Variants in ASAH2 observed in about 807,000 individuals in gnomAD.
The protein encoded by ASAH2 is N-acylsphingosine amidohydrolase 2, also known as neutral ceramidase.
ASAH2 carries 58 observed loss-of-function variants against 82.9 expected under a neutral mutation model. The ratio of observed to expected loss-of-function variants is 0.70; its 90% CI spans 0.57 to 0.87. The LOEUF (loss-of-function observed/expected upper bound fraction) is 0.87, where lower values mean the gene tolerates loss of function less well. Ranked by LOEUF, ASAH2 falls within the 40% of genes least tolerant of loss-of-function variation. ASAH2 has a pLI of 0.00. For synonymous variants in ASAH2, 276 were observed against 289.7 expected (o/e 0.95, Z 0.48); for missense variants, 779 against 834.0 (o/e 0.93, Z 0.81).
In ASAH2 at chr10:50,187,116, TCTCACACACACACACA is replaced by T. The variant is rs1331988589; in HGVS notation, c.*183_*198del. 1.0e-3 allele frequency: 231 copies of T among 230,118 alleles called. 1 individual carries two copies. The highest frequency in any genetic ancestry group is 7.8e-3 in the African/African-American group (204 of 26,116). 14.3% of individuals were successfully genotyped at this position (230,118 alleles called of 1,614,324 possible). On this transcript the variant is annotated 3_prime_UTR_variant, in exon 21 of 21. Coordinates refer to ENST00000682911, the MANE Select transcript of ASAH2 (RefSeq NM_019893.4). Reference sequence around the variant, plus strand: ...CTCTCTCTCTCTCTCTCTCTCTCTCTCTCACACACACACACACACACACACACACACACACACACAC... The same window carrying T: ...CTCTCTCTCTCTCTCTCTCTCTCTCTCACACACACACACACACACACACAC...
intron 9 of ASAH2, among the ~76,000 whole-genome samples, chr10:50,214,540 C>T (rs1051128775): frequency 2.0e-5 from 3 of 152,180 alleles, no homozygotes; most frequent in African/African-American, 7.2e-5. Context: ...AAAACCTTAA[C>T]AGTCACTCAA....
Position 50,243,147 on chromosome 10 carries a change from A to C in ASAH2, c.510+55T>G, listed in dbSNP as rs1219118668. 17 of 1,591,484 alleles carry C rather than the reference A, an allele frequency of 1.1e-5. No individual in the cohort carries two copies. In the East Asian group the frequency reaches 3.6e-4, roughly 34 times the overall value. ...GAATTATTTCCTGTCACATTCACCCACTTTTCCTTAAACCATATCATTTCT... is the reference window on the plus strand; with the variant it reads ...GAATTATTTCCTGTCACATTCACCCCCTTTTCCTTAAACCATATCATTTCT... On this transcript the variant is annotated intron_variant, in intron 4 of 20. Coordinates refer to ENST00000682911, the MANE Select transcript of ASAH2 (RefSeq NM_019893.4).
At chr10:50,243,481 T>A in intron 3 of ASAH2, 130 bp from the exon 4 acceptor site, 2 of 953,318 alleles carry the variant, frequency 2.1e-6, no homozygotes, top group Non-Finnish European at 3.0e-6. Flanking sequence ...TGGCTCTGAG[T>A]GAGAGGATAT....
chr10:50,223,037 A>C lies in ASAH2; in HGVS notation c.894-4407T>G, dbSNP rs966551639. On this transcript the variant is annotated intron_variant, in intron 7 of 20. Transcript: ENST00000682911. ...GCAAGGTGCTACGTGAATCAGCATGATGTAATTAAAAATACAGCAGAAAGT... is the reference window on the plus strand; with the variant it reads ...GCAAGGTGCTACGTGAATCAGCATGCTGTAATTAAAAATACAGCAGAAAGT... 5.9e-5 allele frequency among the ~76,000 whole-genome samples: 9 copies of C among 152,306 alleles called. No homozygotes were observed. In the East Asian group the frequency reaches 1.7e-3, roughly 29 times the overall value.
In ASAH2 at chr10:50,205,963, G is replaced by A; in HGVS notation, c.1530+19C>T. 4 of 1,558,150 alleles carry A rather than the reference G, an allele frequency of 2.6e-6. No individual in the cohort carries two copies. The highest frequency in any genetic ancestry group is 3.5e-6 in the Non-Finnish European group (4 of 1,129,484). On this transcript the variant is annotated intron_variant, in intron 13 of 20. Transcript: ENST00000682911. ...AATAACAATATGCTAATTTCACTAT[G>A]ATAACGAAAATGCATTACTTCTCCG... is the stretch of plus-strand genomic sequence containing the variant.
intron 1 of ASAH2, among the ~76,000 whole-genome samples, chr10:50,250,772 T>A (rs1846594205): frequency 6.6e-6 from 1 of 152,208 alleles, no homozygotes; most frequent in Non-Finnish European, 1.5e-5. Flanking sequence ...AATACTTCTT[T>A]TTTGTTTCTA....
chr10:50,219,913 T>C (rs1395342891), intron 7 of ASAH2, among the ~76,000 whole-genome samples: 1 of 152,222 alleles, frequency 6.6e-6, no homozygotes, highest in Non-Finnish European at 1.5e-5. Flanking sequence ...AAGTGTTGCC[T>C]TATGGGAGTA....
Position 50,243,309 on chromosome 10 carries a change from T to G in ASAH2, c.403A>C (p.Thr135Pro), listed in dbSNP as rs758006415. ...KSGQNAQGIL[T>P]RLYSRAFIMA... ...ATGAAGGCACGACTGTATAGCCTGG[T>G]GAGGATGCCCTGTGCATTCTGGCCG... is the stretch of plus-strand genomic sequence containing the variant. Residue 135 changes from threonine (T) to proline (P), a missense_variant, in exon 4 of 21, where the codon ACC (threonine) becomes CCC (proline). Physicochemically the swap from Thr to Pro is conservative, Grantham distance 38 (BLOSUM62 -1). Around this residue, in one of 3 missense-constraint regions of ASAH2, gnomAD observed 759 missense variants for 755.2 expected, o/e 1.00. Transcript: ENST00000682911. The G allele has an allele frequency of 1.2e-6, 2 of 1,614,126 alleles. No homozygotes were observed. Among genetic ancestry groups the G allele is most frequent in the Admixed American group, 1.7e-5 (1 of 60,014 alleles).
At chr10:50,207,473 T>G (rs1845330228) in intron 12 of ASAH2, among the ~76,000 whole-genome samples, 1 of 151,370 alleles carries the variant, frequency 6.6e-6, no homozygotes, top group Non-Finnish European at 1.5e-5. Flanking sequence ...ATTATTAAAA[T>G]CAGAAATTAG....
At chr10:50,249,113 T>C (rs978677505) in intron 1 of ASAH2, among the ~76,000 whole-genome samples, 1 of 152,218 alleles carries the variant, frequency 6.6e-6, no homozygotes, top group African/African-American at 2.4e-5. Context: ...ATGGACTTAG[T>C]AGAATTATCT....
chr10:50,242,908 A>G (rs1846341777), intron 4 of ASAH2, among the ~76,000 whole-genome samples: 1 of 152,214 alleles, frequency 6.6e-6, no homozygotes, highest in Non-Finnish European at 1.5e-5. Flanking sequence ...AAGGGAATAT[A>G]TATATAAAAG....
chr10:50,224,350 G>C (rs1002926819), intron 7 of ASAH2, among the ~76,000 whole-genome samples: 5 of 152,036 alleles, frequency 3.3e-5, no homozygotes, highest in African/African-American at 1.2e-4. Flanking sequence ...ATAAAGGAAA[G>C]AGATACAAAG....
chr10:50,232,914 C>T (rs950412877), intron 7 of ASAH2, among the ~76,000 whole-genome samples: 18 of 152,144 alleles, frequency 1.2e-4, no homozygotes, highest in South Asian at 4.2e-4. Context: ...GTATCATATG[C>T]GAGATGCTGT....
Position 50,199,066 on chromosome 10 carries a change from A to C in ASAH2, c.1842T>G (p.Ala614=). The change falls in exon 17 of 21, where the codon GCT becomes GCG. Residue 614 remains alanine, a synonymous_variant. Coordinates refer to ENST00000682911, the MANE Select transcript of ASAH2 (RefSeq NM_019893.4). ...ATTTGATTACCGTAGCAATAGCCTTAGCAAGGTTTCTGAAGAGCTGAATGT... is the reference window on the plus strand; with the variant it reads ...ATTTGATTACCGTAGCAATAGCCTTCGCAAGGTTTCTGAAGAGCTGAATGT... ...SAYIQLFRNL[A]KAIATDTVAN... 3 of 1,613,298 alleles carry C rather than the reference A, an allele frequency of 1.9e-6. No individual in the cohort carries two copies. The highest frequency in any genetic ancestry group is 2.5e-6 in the Non-Finnish European group (3 of 1,179,480).
chr10:50,234,712 T>A (rs1846110117), intron 5 of ASAH2, among the ~76,000 whole-genome samples, 160 bp from the exon 6 acceptor site: 1 of 152,014 alleles, frequency 6.6e-6, no homozygotes, highest in Admixed American at 6.6e-5. Flanking sequence ...CTGTTGACAA[T>A]CTGGAGGTAA....
intron 18 of ASAH2, among the ~76,000 whole-genome samples, chr10:50,194,035 TG>T (rs1270299743): frequency 6.6e-6 from 1 of 151,378 alleles, no homozygotes; most frequent in African/African-American, 2.4e-5. Flanking sequence ...ATAAAAATTT[TG>T]CCATAAAGAA....
intron 18 of ASAH2, among the ~76,000 whole-genome samples, chr10:50,194,829 A>G (rs570063360): frequency 1.1e-3 from 174 of 151,854 alleles, no homozygotes; most frequent in Middle Eastern, 3.4e-3. Context: ...AGTCTCTTCA[A>G]TAAATGCTGC....
chr10:50,213,084 T>C, intron 9 of ASAH2, 26 bp from the exon 10 acceptor site: 2 of 1,565,630 alleles, frequency 1.3e-6, no homozygotes, highest in South Asian at 2.2e-5. Context: ...ATATGATGCA[T>C]TCTTGGCCAA....
chr10:50,218,627 C>G lies in ASAH2; in HGVS notation c.897G>C (p.Trp299Cys). The G allele has an allele frequency of 1.9e-6, 3 of 1,613,706 alleles. No individual in the cohort carries two copies. Among genetic ancestry groups the G allele is most frequent in the Non-Finnish European group, 2.5e-6 (3 of 1,179,708 alleles). ...LNGDDLGLIS[W>C]FAIHPVSMNN... is the part of the protein sequence containing the mutation. The stretch of plus-strand genomic sequence containing the variant: ...TCATGCTGACCGGGTGGATGGCAAA[C>G]CAGCTGTAAAAGAGCAAGAAGCTCT... The change falls in exon 8 of 21, where the codon TGG (tryptophan) becomes TGC (cysteine). Residue 299 changes from tryptophan (W) to cysteine (C), a missense_variant. Trp to Cys is a radical substitution (Grantham distance 215). Transcript: ENST00000682911.
Sources: gnomAD v4.1 joint callset for allele counts (sites outside exome capture counted in the v4.1 genomes callset) on GRCh38, gnomAD v4.1.1 for gene constraint, gnomAD v4.1.1 regional missense constraint, MANE v1.5 for transcripts, NCBI Gene and HGNC (gene_info 2026-07-23, HGNC 2026-07-21) for gene names.